Variants in AHNAK observed in about 807,000 individuals in gnomAD.
AHNAK encodes AHNAK nucleoprotein.
Under a neutral mutation model 37.8 loss-of-function variants are expected in AHNAK, and 23 were observed. The observed-to-expected ratio is 0.61, with a 90% CI of 0.44 to 0.86. The LOEUF (loss-of-function observed/expected upper bound fraction) is 0.86. AHNAK is among the 40% of genes least tolerant of loss of function. AHNAK has a pLI of 0.00. For missense variants in AHNAK, 7,411 were observed against 7,319.4 expected, an observed-to-expected ratio of 1.01 and a Z score of -0.46; for synonymous variants, 2,481 against 2,636.3, an observed-to-expected ratio of 0.94 and a Z score of 1.80.
At chr11:62,441,873 G>C (rs1938313156) in intron 5 of AHNAK, among the ~76,000 whole-genome samples, 1 of 152,124 alleles carries the variant, frequency 6.6e-6, no homozygotes, top group Admixed American at 6.6e-5. Context: ...GCCCTCTGAA[G>C]CAGCCACTGT....
At chr11:62,473,242 A>G (rs1320449285) in intron 5 of AHNAK, among the ~76,000 whole-genome samples, 1 of 150,374 alleles carries the variant, frequency 6.7e-6, no homozygotes, top group Non-Finnish European at 1.5e-5. Context: ...TAAAGACACA[A>G]AAAAATTAGC....
At chr11:62,497,184 C>CA (rs1939626697) in intron 4 of AHNAK, among the ~76,000 whole-genome samples, 1 of 152,146 alleles carries the variant, frequency 6.6e-6, no homozygotes, top group Non-Finnish European at 1.5e-5. Flanking sequence ...TCAAAACCAA[C>CA]AACTGCTAAA....
In AHNAK at chr11:62,518,475, G is replaced by C; in HGVS notation, c.15942C>G (p.Asp5314Glu). 1 of 1,614,028 alleles carries C rather than the reference G, an allele frequency of 6.2e-7. No homozygotes were observed. The highest frequency in any genetic ancestry group is 8.5e-7 in the Non-Finnish European group (1 of 1,179,988). ...LNLKGPSLKG[D>E]LDASVPSMKV... is the part of the protein sequence containing the mutation. Reference sequence around the variant, plus strand: ...TCATGCTGGGAACAGATGCATCCAGGTCTCCCTTCAAACTTGGTCCTTTCA... The same window carrying C: ...TCATGCTGGGAACAGATGCATCCAGCTCTCCCTTCAAACTTGGTCCTTTCA... Residue 5314 changes from aspartate to glutamate, a missense_variant, in exon 5 of 5, where the codon GAC (aspartate) becomes GAG (glutamate). Transcript: ENST00000378024.
At chr11:62,508,216 T>C (rs1939842684) in intron 4 of AHNAK, among the ~76,000 whole-genome samples, 2 of 152,126 alleles carry the variant, frequency 1.3e-5, no homozygotes, top group African/African-American at 4.8e-5. Flanking sequence ...AGAAAAGAAA[T>C]TCCCAGCTTC....
chr11:62,437,183 A>T lies in AHNAK; in HGVS notation c.443-3292T>A, dbSNP rs566366158. Among the ~76,000 whole-genome samples the T allele has an allele frequency of 4.7e-4, 71 of 152,340 alleles. 2 individuals carry two copies. In the South Asian group the frequency reaches 0.014, roughly 30 times the overall value. ...TCTTTCTGAACCATATATTAATGGAATCAGAGCATATAATCTTTTCATCAT... is the reference window on the plus strand; with the variant it reads ...TCTTTCTGAACCATATATTAATGGATTCAGAGCATATAATCTTTTCATCAT... On this transcript the variant is annotated intron_variant, in intron 5 of 5. Transcript: ENST00000257247.
intron 5 of AHNAK, among the ~76,000 whole-genome samples, chr11:62,469,864 T>G (rs765936352): frequency 6.6e-6 from 1 of 152,206 alleles, no homozygotes; most frequent in Non-Finnish European, 1.5e-5. Flanking sequence ...TGAAACTGAT[T>G]GAGTTCACAA....
At chr11:62,442,669 C>T (rs1240460194) in intron 5 of AHNAK, among the ~76,000 whole-genome samples, 4 of 151,970 alleles carry the variant, frequency 2.6e-5, no homozygotes, top group African/African-American at 9.7e-5. Flanking sequence ...TCAGGAGTTC[C>T]AGACCAGCCT....
chr11:62,517,376 C>T lies in AHNAK; in HGVS notation c.17041G>A (p.Asp5681Asn), dbSNP rs1450039510. 6 of 1,614,056 alleles carry T rather than the reference C, an allele frequency of 3.7e-6. No individual in the cohort carries two copies. The highest frequency in any genetic ancestry group is 5.1e-6 in the Non-Finnish European group (6 of 1,180,032). ...RELVGREMGV[D>N]VHFPKAEASI... ...GCCTCTGCTTTAGGGAAGTGAACAT[C>T]CACCCCCATTTCTCTGCCAACCAGC... Residue 5681 changes from aspartate (D) to asparagine (N), a missense_variant, in exon 5 of 5, where the codon GAT becomes AAT. Asp to Asn is a conservative substitution (Grantham distance 23, BLOSUM62 1). Transcript: ENST00000378024.
intron 5 of AHNAK, among the ~76,000 whole-genome samples, chr11:62,436,635 A>T (rs1223717057): frequency 2.5e-5 from 2 of 80,746 alleles, no homozygotes; most frequent in Admixed American, 2.2e-4. Context: ...TCTTTTCATT[A>T]AAAAAAAAAA....
intron 1 of AHNAK, among the ~76,000 whole-genome samples, chr11:62,542,691 T>C (rs573581280): frequency 6.6e-6 from 1 of 152,056 alleles, no homozygotes; most frequent in South Asian, 2.1e-4. Flanking sequence ...GCAATCCTTG[T>C]GAAAGGGGGC....
Position 62,522,673 on chromosome 11 carries a change from T to C in AHNAK, c.11744A>G (p.Asp3915Gly). Residue 3915 changes from aspartate to glycine, a missense_variant, in exon 5 of 5, where the codon GAT becomes GGT. Physicochemically the swap from Asp to Gly is moderately conservative, Grantham distance 94. Coordinates refer to ENST00000378024, the MANE Select transcript of AHNAK (RefSeq NM_001620.3). ...PDLDIKGPKV[D>G]INAPDVDVRG... ...AACATCCACATCTGGGGCATTAATATCCACTTTGGGGCCTTTAATATCCAA... is the reference window on the plus strand; with the variant it reads ...AACATCCACATCTGGGGCATTAATACCCACTTTGGGGCCTTTAATATCCAA... 6.2e-7 allele frequency: 1 copy of C among 1,612,900 alleles called. No individual in the cohort carries two copies. Among genetic ancestry groups the C allele is most frequent in the Non-Finnish European group, 8.5e-7 (1 of 1,179,792 alleles).
chr11:62,504,318 G>T (rs1357001989), intron 4 of AHNAK, among the ~76,000 whole-genome samples: 2 of 151,892 alleles, frequency 1.3e-5, no homozygotes, highest in African/African-American at 2.4e-5. Context: ...TCCCTGCCAG[G>T]CCCCCCAGCA....
chr11:62,522,450 G>T lies in AHNAK; in HGVS notation c.11967C>A (p.Phe3989Leu), dbSNP rs374279243. The change falls in exon 5 of 5, where the codon TTC (phenylalanine) becomes TTA (leucine). Residue 3989 changes from phenylalanine to leucine, a missense_variant. Coordinates refer to ENST00000378024, the MANE Select transcript of AHNAK (RefSeq NM_001620.3). The part of the protein sequence containing the change: ...GPDAKLKGPK[F>L]KMPEMNIKAP... ...CTTTGATGTTCATCTCTGGCATCTT[G>T]AATTTAGGGCCCTTCAGTTTCGCAT... The T allele has an allele frequency of 5.0e-6, 8 of 1,612,836 alleles. No individual in the cohort carries two copies. Among genetic ancestry groups the T allele is most frequent in the Non-Finnish European group, 6.8e-6 (8 of 1,179,720 alleles).
At chr11:62,505,760 C>G (rs1939799348) in intron 4 of AHNAK, among the ~76,000 whole-genome samples, 1 of 151,166 alleles carries the variant, frequency 6.6e-6, no homozygotes, top group African/African-American at 2.4e-5. Context: ...TCCCCCTACT[C>G]TCCACCCGCC....
chr11:62,534,022 C>T lies in AHNAK; in HGVS notation c.395G>A (p.Arg132Gln), dbSNP rs775816508. ...TTCCACTCCATCTTCCGACTTCAGCCGTGGCTTGATCTTCGTGGTGTAGAT... is the reference window on the plus strand; with the variant it reads ...TTCCACTCCATCTTCCGACTTCAGCTGTGGCTTGATCTTCGTGGTGTAGAT... ...QRIYTTKIKP[R>Q]LKSEDGVEGD... The change falls in exon 5 of 5, where the codon CGG becomes CAG. Residue 132 changes from arginine (R) to glutamine (Q), a missense_variant. Coordinates refer to ENST00000378024, the MANE Select transcript of AHNAK (RefSeq NM_001620.3). 3.2e-6 allele frequency: 5 copies of T among 1,582,652 alleles called. No homozygotes were observed. Among genetic ancestry groups the T allele is most frequent in the East Asian group, 4.5e-5 (2 of 44,662 alleles).
Position 62,527,125 on chromosome 11 carries a change from C to T in AHNAK, c.7292G>A (p.Gly2431Glu), listed in dbSNP as rs773196069. 6.2e-7 allele frequency: 1 copy of T among 1,613,868 alleles called. No homozygotes were observed. Among genetic ancestry groups the T allele is most frequent in the Admixed American group, 1.7e-5 (1 of 59,980 alleles). ...AGGGCCTTTCAATTTGCCCTCTGGTCCCTCAATGTCAATGTCTGGCCCACT... is the reference window on the plus strand; with the variant it reads ...AGGGCCTTTCAATTTGCCCTCTGGTTCCTCAATGTCAATGTCTGGCCCACT... Reference protein sequence around the residue: ...DVSGPDIDIEGPEGKLKGPKF... With the variant: ...DVSGPDIDIEEPEGKLKGPKF... The change falls in exon 5 of 5, where the codon GGA becomes GAA. Residue 2431 changes from glycine to glutamate, a missense_variant. Physicochemically the swap from Gly to Glu is moderately conservative, Grantham distance 98. Transcript: ENST00000378024.
chr11:62,519,164 A>T lies in AHNAK; in HGVS notation c.15253T>A (p.Phe5085Ile). ...VKSPKTKKTM[F>I]GKMYFPDVEF... ...ACATCTGGGAAGTACATTTTTCCAAACATCGTTTTCTTGGTTTTGGGCGAT... is the reference window on the plus strand; with the variant it reads ...ACATCTGGGAAGTACATTTTTCCAATCATCGTTTTCTTGGTTTTGGGCGAT... Residue 5085 changes from phenylalanine (F) to isoleucine (I), a missense_variant, in exon 5 of 5, where the codon TTT (phenylalanine) becomes ATT (isoleucine). Phe to Ile is a conservative substitution (Grantham distance 21, BLOSUM62 0). Transcript: ENST00000378024. 6.2e-7 allele frequency: 1 copy of T among 1,613,334 alleles called. No individual in the cohort carries two copies. The highest frequency in any genetic ancestry group is 1.1e-5 in the South Asian group (1 of 90,856).
rs765999736 is a variant in AHNAK at position 62,529,869 on chromosome 11, G to A, written c.4548C>T (p.Pro1516=). Residue 1516 remains proline (P), a synonymous_variant, in exon 5 of 5, where the codon CCC becomes CCT. Transcript: ENST00000378024. ...CTTTAAAGCCAGGCATGCTGAACTT[G>A]GGCATTTTTACCTTGGGCATCTTCA... The part of the protein sequence containing the change: ...WHLKMPKVKM[P]KFSMPGFKGE... The A allele has an allele frequency of 2.5e-6, 4 of 1,613,780 alleles. No individual in the cohort carries two copies. The South Asian group carries it at 4.4e-5, about 18-fold the overall frequency.
At position 62,525,943 on chromosome 11, in the gene AHNAK, A is replaced by C; in HGVS notation, c.8474T>G (p.Met2825Arg). Reference protein sequence around the residue: ...EGKWKSPKFKMPEMHFKTPKI... With the variant: ...EGKWKSPKFKRPEMHFKTPKI... ...TGGAGTCTTAAAATGCATCTCTGGCATCTTAAACTTTGGACTTTTCCACTT... is the reference window on the plus strand; with the variant it reads ...TGGAGTCTTAAAATGCATCTCTGGCCTCTTAAACTTTGGACTTTTCCACTT... Residue 2825 changes from methionine to arginine, a missense_variant, in exon 5 of 5, where the codon ATG becomes AGG. Met to Arg is a moderately conservative substitution (Grantham distance 91). Transcript: ENST00000378024. 6.2e-7 allele frequency: 1 copy of C among 1,614,184 alleles called. No homozygotes were observed.
Sources: gnomAD v4.1 joint callset for allele counts (sites outside exome capture counted in the v4.1 genomes callset) on GRCh38, gnomAD v4.1.1 for gene constraint, MANE v1.5 for transcripts, NCBI Gene and HGNC (gene_info 2026-07-23, HGNC 2026-07-21) for gene names.